Variants in DTD1 observed in about 807,000 individuals in gnomAD.
DTD1 encodes the protein D-tyrosyl-tRNA deacylase 1 homolog.
In DTD1, 13 loss-of-function variants were observed where a neutral mutation model predicts 25.6. The observed-to-expected ratio is 0.51, with a 90% CI of 0.33 to 0.81. DTD1 has a LOEUF of 0.81. Among genes scored for constraint, DTD1 ranks in the 30% least tolerant of loss-of-function variants. DTD1 has a pLI of 0.02. For synonymous variants in DTD1, 110 were observed against 103.6 expected, an observed-to-expected ratio of 1.06 and a Z score of -0.37; for missense variants, 193 against 266.4, an observed-to-expected ratio of 0.72 and a Z score of 1.92.
chr20:18,654,341 C>G (rs6045536), intron 4 of DTD1, among the ~76,000 whole-genome samples: 54,570 of 152,074 alleles, frequency 0.36, 10,013 homozygotes, highest in South Asian at 0.43. Context: ...CCTTCCACTT[C>G]TGCCATGATT....
chr20:18,639,891 C>T (rs1475558371), intron 4 of DTD1, among the ~76,000 whole-genome samples: 1 of 152,070 alleles, frequency 6.6e-6, no homozygotes, highest in Non-Finnish European at 1.5e-5. Flanking sequence ...GGCAGTGGCT[C>T]TGTTCAGGAA....
At chr20:18,662,895 C>T (rs1273406117) in intron 4 of DTD1, among the ~76,000 whole-genome samples, 1 of 152,086 alleles carries the variant, frequency 6.6e-6, no homozygotes, top group African/African-American at 2.4e-5. Context: ...GATAAATTAA[C>T]TTTCTTTTTA....
intron 4 of DTD1, among the ~76,000 whole-genome samples, chr20:18,659,928 A>G (rs2060903091): frequency 6.6e-6 from 1 of 151,902 alleles, no homozygotes; most frequent in Admixed American, 6.6e-5. Flanking sequence ...AGAAAGAAAG[A>G]AAGAAAAAAA....
At chr20:18,754,991 A>T (rs4814787) in intron 5 of DTD1, among the ~76,000 whole-genome samples, 89,618 of 152,078 alleles carry the variant, frequency 0.59, 26,922 homozygotes, top group Non-Finnish European at 0.63. Context: ...TACCTAATGG[A>T]TTGTCCTTCA....
At chr20:18,611,015 T>C (rs1600316597) in intron 3 of DTD1, 1 of 152,270 alleles carries the variant, frequency 6.6e-6, no homozygotes, top group African/African-American at 2.4e-5. Context: ...ATGTTGGTTA[T>C]AGATTTACTT....
chr20:18,591,403 T>C (rs1230740898), intron 1 of DTD1, among the ~76,000 whole-genome samples: 1 of 152,202 alleles, frequency 6.6e-6, no homozygotes, highest in Non-Finnish European at 1.5e-5. Context: ...AAGCCATATG[T>C]CCAGCAAGAT....
chr20:18,731,340 A>C (rs2061238581), intron 4 of DTD1, among the ~76,000 whole-genome samples: 1 of 152,174 alleles, frequency 6.6e-6, no homozygotes, highest in Non-Finnish European at 1.5e-5. Context: ...GATTTTTCTG[A>C]ATCATTAGTT....
At chr20:18,678,861 T>C (rs2060986062) in intron 4 of DTD1, 1 of 152,176 alleles carries the variant, frequency 6.6e-6, no homozygotes, top group African/African-American at 2.4e-5. Flanking sequence ...TTCTTCTCAG[T>C]ATGTCGTAGG....
intron 4 of DTD1, among the ~76,000 whole-genome samples, chr20:18,671,986 A>C (rs1239831292): frequency 1.3e-5 from 2 of 152,186 alleles, no homozygotes; most frequent in African/African-American, 4.8e-5. Flanking sequence ...GTAATCCCAG[A>C]ACTTTGGGAG....
chr20:18,638,879 A>G (rs1008636768), intron 4 of DTD1, among the ~76,000 whole-genome samples: 12 of 152,014 alleles, frequency 7.9e-5, no homozygotes, highest in African/African-American at 2.9e-4. Context: ...GCCCTCAACC[A>G]CTCTCATATT....
intron 3 of DTD1, among the ~76,000 whole-genome samples, chr20:18,598,614 C>T (rs1354372986): frequency 1.3e-5 from 2 of 152,004 alleles, no homozygotes; most frequent in East Asian, 3.9e-4. Flanking sequence ...TCTCCTGCCT[C>T]AGCCTCCCGA....
At chr20:18,756,278 G>A (rs1462127382) in intron 5 of DTD1, among the ~76,000 whole-genome samples, 1 of 152,020 alleles carries the variant, frequency 6.6e-6, no homozygotes, top group Admixed American at 6.6e-5. Flanking sequence ...AGTTTAATTA[G>A]ATCCCATTTG....
chr20:18,756,604 A>G (rs1028317330), intron 5 of DTD1, among the ~76,000 whole-genome samples: 53 of 151,728 alleles, frequency 3.5e-4, no homozygotes, highest in Non-Finnish European at 5.9e-4. Context: ...ATTTCTGAGG[A>G]CTCTGCTCTG....
At chr20:18,598,252 G>A (rs1304049535) in intron 3 of DTD1, among the ~76,000 whole-genome samples, 2 of 151,914 alleles carry the variant, frequency 1.3e-5, no homozygotes, top group African/African-American at 4.8e-5. Flanking sequence ...TCTTGTGATG[G>A]TTTGCTGAGA....
At chr20:18,743,509 C>T (rs1172684152) in intron 4 of DTD1, among the ~76,000 whole-genome samples, 1 of 151,642 alleles carries the variant, frequency 6.6e-6, no homozygotes, top group Non-Finnish European at 1.5e-5. Context: ...GCTTGGGCAA[C>T]ATGGTGAAAC....
chr20:18,746,139 T>C (rs149516108), intron 5 of DTD1, among the ~76,000 whole-genome samples: 3 of 152,262 alleles, frequency 2.0e-5, no homozygotes, highest in Admixed American at 2.0e-4. Context: ...GAGGTGCCTG[T>C]TGGCAGCCAA....
chr20:18,650,051 A>G (rs2060868174), intron 4 of DTD1, among the ~76,000 whole-genome samples: 1 of 152,122 alleles, frequency 6.6e-6, no homozygotes, highest in Admixed American at 6.6e-5. Context: ...TATCTTTACA[A>G]AATTTAAACA....
At chr20:18,663,232 C>T (rs979016172) in intron 4 of DTD1, among the ~76,000 whole-genome samples, 2 of 152,004 alleles carry the variant, frequency 1.3e-5, no homozygotes, top group African/African-American at 4.8e-5. Flanking sequence ...TAGAAAGTGT[C>T]CATATAGCTG....
intron 5 of DTD1, among the ~76,000 whole-genome samples, chr20:18,759,070 T>C (rs1848425564): frequency 6.6e-6 from 1 of 152,232 alleles, no homozygotes; most frequent in African/African-American, 2.4e-5. Context: ...CTGCCTTTTT[T>C]TGTTTTTTCA....
Sources: allele counts gnomAD v4.1 joint callset (sites outside exome capture counted in the v4.1 genomes callset), GRCh38; gene constraint gnomAD v4.1.1; transcripts MANE v1.5; gene names NCBI Gene and HGNC (gene_info 2026-07-23, HGNC 2026-07-21).